The following SKAP1 variants were observed in gnomAD, a reference collection of about 807,000 sequenced individuals.
SKAP1 encodes the protein src kinase-associated phosphoprotein 1.
In SKAP1, 44 loss-of-function variants were observed where a neutral mutation model predicts 58.5. The ratio of observed to expected loss-of-function variants is 0.75; its 90% CI spans 0.59 to 0.97. SKAP1 has a LOEUF of 0.97. Ranked by LOEUF, SKAP1 falls within the 50% of genes least tolerant of loss-of-function variation. SKAP1 has a pLI of 0.00. For synonymous variants in SKAP1, 127 were observed against 149.7 expected, an observed-to-expected ratio of 0.85 and a Z score of 1.11; for missense variants, 390 against 435.2, an observed-to-expected ratio of 0.90 and a Z score of 0.92.
chr17:48,421,516 G>T (rs548235040), intron 1 of SKAP1, among the ~76,000 whole-genome samples: 1 of 151,976 alleles, frequency 6.6e-6, no homozygotes, highest in South Asian at 2.1e-4. Context: ...TCTTGGCCAG[G>T]CTGGTCTCGA....
At chr17:48,220,867 A>G (rs897537425) in intron 4 of SKAP1, among the ~76,000 whole-genome samples, 4 of 122,062 alleles carry the variant, frequency 3.3e-5, no homozygotes, top group African/African-American at 8.0e-5. Context: ...AAAAAAAAAA[A>G]AAAAAAAAAA....
chr17:48,383,549 C>A (rs899576136), intron 2 of SKAP1, among the ~76,000 whole-genome samples: 1 of 152,032 alleles, frequency 6.6e-6, no homozygotes, highest in Non-Finnish European at 1.5e-5. Context: ...TGTATTTAAG[C>A]ACAGAGTAAA....
chr17:48,418,643 A>G (rs2067759371), intron 1 of SKAP1, among the ~76,000 whole-genome samples: 1 of 152,252 alleles, frequency 6.6e-6, no homozygotes, highest in Non-Finnish European at 1.5e-5. Flanking sequence ...AACAAGTTAT[A>G]CAAGAATGCT....
chr17:48,203,380 T>A (rs993528719), intron 4 of SKAP1, among the ~76,000 whole-genome samples: 2 of 152,202 alleles, frequency 1.3e-5, no homozygotes, highest in Admixed American at 1.3e-4. Flanking sequence ...TATAGACGGA[T>A]GAAATAGCAA....
chr17:48,273,969 G>T (rs2065665995), intron 4 of SKAP1, among the ~76,000 whole-genome samples: 1 of 152,264 alleles, frequency 6.6e-6, no homozygotes, highest in East Asian at 1.9e-4. Context: ...ACCCAGGCTG[G>T]AGTGCAGTGG....
At chr17:48,252,171 C>T (rs2065371437) in intron 4 of SKAP1, among the ~76,000 whole-genome samples, 1 of 152,070 alleles carries the variant, frequency 6.6e-6, no homozygotes. Context: ...TAACAGCCCC[C>T]AAAGGGTTGG....
At chr17:48,269,836 G>C (rs1283780123) in intron 4 of SKAP1, among the ~76,000 whole-genome samples, 1 of 152,196 alleles carries the variant, frequency 6.6e-6, no homozygotes, top group Non-Finnish European at 1.5e-5. Context: ...GCTCACGCTT[G>C]TAATCCCAGC....
intron 4 of SKAP1, among the ~76,000 whole-genome samples, chr17:48,198,910 C>A (rs755080300): frequency 2.0e-5 from 3 of 152,186 alleles, no homozygotes; most frequent in South Asian, 2.1e-4. Context: ...AGAAATCCTT[C>A]AATGGTCTCA....
chr17:48,202,818 T>A (rs2064746056), intron 4 of SKAP1, among the ~76,000 whole-genome samples: 1 of 152,190 alleles, frequency 6.6e-6, no homozygotes, highest in Non-Finnish European at 1.5e-5. Flanking sequence ...CCAAATACAT[T>A]TGGAAAGTTA....
intron 3 of SKAP1, among the ~76,000 whole-genome samples, chr17:48,346,454 T>C (rs1047390775): frequency 2.0e-5 from 3 of 151,964 alleles, no homozygotes; most frequent in Non-Finnish European, 4.4e-5. Flanking sequence ...TGAAACCCTC[T>C]CTCCACTAAA....
At chr17:48,371,292 G>A (rs2067081985) in intron 2 of SKAP1, among the ~76,000 whole-genome samples, 2 of 152,054 alleles carry the variant, frequency 1.3e-5, no homozygotes, top group Admixed American at 1.3e-4. Flanking sequence ...AGTTGAAATT[G>A]TAAAAAATAA....
At chr17:48,278,225 T>C (rs2065723636) in intron 4 of SKAP1, among the ~76,000 whole-genome samples, 1 of 152,226 alleles carries the variant, frequency 6.6e-6, no homozygotes, top group Non-Finnish European at 1.5e-5. Context: ...CCATTAGGCA[T>C]TGAGCTCATC....
At chr17:48,334,068 G>A (rs192617951) in intron 4 of SKAP1, among the ~76,000 whole-genome samples, 1 of 151,984 alleles carries the variant, frequency 6.6e-6, no homozygotes, top group Non-Finnish European at 1.5e-5. Context: ...TACTTAACAG[G>A]TACTCAGATG....
intron 10 of SKAP1, among the ~76,000 whole-genome samples, chr17:48,165,627 C>T (rs1567801653): frequency 6.6e-6 from 1 of 151,918 alleles, no homozygotes; most frequent in South Asian, 2.1e-4. Flanking sequence ...CTTGAACTCC[C>T]GACCTCAGGT....
Position 48,232,210 on chromosome 17 carries a change from T to G in SKAP1, c.281-42710A>C, listed in dbSNP as rs528581104. Among the ~76,000 whole-genome samples, 5 of 152,348 alleles carry G rather than the reference T, an allele frequency of 3.3e-5. No individual in the cohort carries two copies. The South Asian group carries it at 1.0e-3, about 32-fold the overall frequency. On this transcript the variant is annotated intron_variant, in intron 4 of 12. Transcript: ENST00000336915. Reference sequence around the variant, plus strand: ...CTCAGATTAACTGAATCATAATCTGTGCAAATGGGACTCAGGAATCTGTAT... The same window carrying G: ...CTCAGATTAACTGAATCATAATCTGGGCAAATGGGACTCAGGAATCTGTAT...
intron 4 of SKAP1, among the ~76,000 whole-genome samples, chr17:48,295,892 T>C (rs999866278): frequency 6.6e-6 from 1 of 152,098 alleles, no homozygotes; most frequent in African/African-American, 2.4e-5. Flanking sequence ...TATGTGTCTA[T>C]GTGTATATAC....
At chr17:48,306,856 A>G (rs1219332656) in intron 4 of SKAP1, among the ~76,000 whole-genome samples, 1 of 152,236 alleles carries the variant, frequency 6.6e-6, no homozygotes, top group African/African-American at 2.4e-5. Context: ...AACCTATAAT[A>G]GAGAAATTAA....
chr17:48,331,564 T>C (rs1278818147), intron 4 of SKAP1, among the ~76,000 whole-genome samples: 1 of 152,078 alleles, frequency 6.6e-6, no homozygotes, highest in Non-Finnish European at 1.5e-5. Flanking sequence ...CCGGGCGTGG[T>C]GGCGCATGCC....
chr17:48,378,166 T>C (rs930036846), intron 2 of SKAP1, among the ~76,000 whole-genome samples: 1 of 152,136 alleles, frequency 6.6e-6, no homozygotes, highest in African/African-American at 2.4e-5. Context: ...CCCACATCCA[T>C]GTAACCACAT....
Sources: allele counts gnomAD v4.1 joint callset (sites outside exome capture counted in the v4.1 genomes callset), GRCh38; gene constraint gnomAD v4.1.1; transcripts MANE v1.5; gene names NCBI Gene and HGNC (gene_info 2026-07-23, HGNC 2026-07-21).